CAMK4: variants seen among roughly 807,000 people sequenced by gnomAD.
CAMK4 encodes the protein calcium/calmodulin dependent protein kinase IV.
A neutral mutation model predicts 44.9 loss-of-function variants in CAMK4; 22 were observed. That is an observed-to-expected ratio of 0.49 (90% CI 0.35 to 0.70). The LOEUF (loss-of-function observed/expected upper bound fraction) is 0.70, where lower values mean the gene tolerates loss of function less well. Among genes scored for constraint, CAMK4 ranks in the 30% least tolerant of loss-of-function variants. CAMK4 has a pLI of 0.01. For missense variants in CAMK4, 498 were observed against 586.8 expected, an observed-to-expected ratio of 0.85 and a Z score of 1.56; for synonymous variants, 218 against 215.4, an observed-to-expected ratio of 1.01 and a Z score of -0.11.
chr5:111,340,851 T>C (rs1279651560), intron 1 of CAMK4, among the ~76,000 whole-genome samples: 4 of 151,034 alleles, frequency 2.6e-5, no homozygotes, highest in African/African-American at 9.7e-5. Context: ...CTTTTCTTTT[T>C]GTTTTTTGAT....
chr5:111,376,928 A>G lies in CAMK4; in HGVS notation c.372A>G (p.Gly124=). 6.2e-7 allele frequency: 1 copy of G among 1,602,176 alleles called. No individual in the cohort carries two copies. The highest frequency in any genetic ancestry group is 2.3e-5 in the East Asian group (1 of 44,326). Residue 124 remains glycine, a synonymous_variant, in exon 4 of 11, where the codon GGA becomes GGG. Transcript: ENST00000282356. ...ISLVLELVTG[G]ELFDRIVEKG... ...TGGTCCTAGAACTCGTCACAGGAGG[A>G]GAACTGTTTGATAGGTGAGTTGGTT...
rs148534521 is a variant in CAMK4, at chr5:111,240,165, C to T, written c.161+15521C>T. 3.9e-3 allele frequency among the ~76,000 whole-genome samples: 588 copies of T among 151,890 alleles called. 4 individuals are homozygous for T. The highest frequency in any genetic ancestry group is 0.013 in the African/African-American group (548 of 41,470). Reference sequence around the variant, plus strand: ...TTTTGTTGCTTTGAGGTCTTATTTACACTAACTTTACCTCTTCTTCATAGA... The same window carrying T: ...TTTTGTTGCTTTGAGGTCTTATTTATACTAACTTTACCTCTTCTTCATAGA... On this transcript the variant is annotated intron_variant, in intron 1 of 10. Coordinates refer to ENST00000282356, the MANE Select transcript of CAMK4 (RefSeq NM_001744.6).
rs1022326841 is a variant in CAMK4 at position 111,488,130 on chromosome 5, A to T, written c.*3664A>T. On this transcript the variant is annotated 3_prime_UTR_variant, in exon 11 of 11. Coordinates refer to ENST00000282356, the MANE Select transcript of CAMK4 (RefSeq NM_001744.6). ...TGTCTTCATTCAGGAAGAACTGCAC[A>T]TAGAATCTGATTTTGAGGCCTGGAT... 6.6e-6 allele frequency: 1 copy of T among 152,192 alleles called. No homozygotes were observed. Among genetic ancestry groups the T allele is most frequent in the Admixed American group, 6.5e-5 (1 of 15,282 alleles). 9.4% of individuals were successfully genotyped at this position (152,192 alleles called of 1,614,324 possible).
At chr5:111,472,851 G>C (rs1755111578) in intron 7 of CAMK4, among the ~76,000 whole-genome samples, 1 of 152,122 alleles carries the variant, frequency 6.6e-6, no homozygotes, top group African/African-American at 2.4e-5. Context: ...ACCTACACTG[G>C]TTCCCACCCT....
intron 1 of CAMK4, among the ~76,000 whole-genome samples, chr5:111,231,916 A>C (rs1167260765): frequency 4.6e-5 from 7 of 152,222 alleles, no homozygotes; most frequent in Admixed American, 2.6e-4. Context: ...TCTTCCTTAA[A>C]AAAGAGATGA....
At position 111,439,668 on chromosome 5, in the gene CAMK4, A is replaced by C. The variant is rs573623885; in HGVS notation, c.460-7018A>C. 5.3e-5 allele frequency among the ~76,000 whole-genome samples: 8 copies of C among 152,302 alleles called. No individual in the cohort carries two copies. In the South Asian group the frequency reaches 1.7e-3, roughly 32 times the overall value. ...TGAATGGAGTCCAGAGCTACAGGGA[A>C]GTATAGGCAGGCAATAGAGATTTGG... On this transcript the variant is annotated intron_variant, in intron 5 of 10. Coordinates refer to ENST00000282356, the MANE Select transcript of CAMK4 (RefSeq NM_001744.6).
rs538150133 is a variant in CAMK4 at position 111,287,987 on chromosome 5, A to T, written c.162-56037A>T. ...GTAATCAGCTTCCTTGCTTTGCTTT[A>T]TACTTTTACCACAAAGTGTGCCGTT... is the stretch of plus-strand genomic sequence containing the variant. On this transcript the variant is annotated intron_variant, in intron 1 of 10. Coordinates refer to ENST00000282356, the MANE Select transcript of CAMK4 (RefSeq NM_001744.6). Among the ~76,000 whole-genome samples, 6 of 152,180 alleles carry T rather than the reference A, an allele frequency of 3.9e-5. No homozygotes were observed. In the South Asian group the frequency reaches 1.2e-3, roughly 31 times the overall value.
chr5:111,310,464 A>G (rs1292437018), intron 1 of CAMK4, among the ~76,000 whole-genome samples: 1 of 152,200 alleles, frequency 6.6e-6, no homozygotes, highest in Non-Finnish European at 1.5e-5. Context: ...AAGTCATGCT[A>G]AGAAATCTGA....
At chr5:111,394,156 AATTTGAAACACTGCAT>A (rs1751911239) in intron 4 of CAMK4, among the ~76,000 whole-genome samples, 1 of 152,182 alleles carries the variant, frequency 6.6e-6, no homozygotes, top group Admixed American at 6.5e-5. Flanking sequence ...GACAATTAGA[AATTTGAAACACTGCAT>A]ATTTGATAAT....
chr5:111,330,111 C>A lies in CAMK4; in HGVS notation c.162-13913C>A, dbSNP rs373834192. On this transcript the variant is annotated intron_variant, in intron 1 of 10. Coordinates refer to ENST00000282356, the MANE Select transcript of CAMK4 (RefSeq NM_001744.6). ...CCCACCACCCCTACAAAAAAACAAACAAATAAAAAACTCTAGAAGACTAGT... is the reference window on the plus strand; with the variant it reads ...CCCACCACCCCTACAAAAAAACAAAAAAATAAAAAACTCTAGAAGACTAGT... Among the ~76,000 whole-genome samples the A allele has an allele frequency of 6.4e-4, 88 of 137,346 alleles. No homozygotes were observed. The Middle Eastern group carries it at 0.013, about 20-fold the overall frequency. The allele number at this position is 137,346 out of a possible 152,430, so 90.1% of individuals were successfully genotyped here.
chr5:111,449,095 C>G, intron 6 of CAMK4, 34 bp from the exon 7 acceptor site: 1 of 877,096 alleles, frequency 1.1e-6, no homozygotes. Flanking sequence ...GCTGAGAAGA[C>G]GTGCTTCATT....
At chr5:111,261,879 T>C (rs928091776) in intron 1 of CAMK4, among the ~76,000 whole-genome samples, 1 of 152,162 alleles carries the variant, frequency 6.6e-6, no homozygotes, top group Non-Finnish European at 1.5e-5. Context: ...AAAAGTATTT[T>C]TTTTTCCTCT....
chr5:111,439,855 A>G (rs1753766433), intron 5 of CAMK4, among the ~76,000 whole-genome samples: 1 of 152,214 alleles, frequency 6.6e-6, no homozygotes, highest in South Asian at 2.1e-4. Flanking sequence ...TGCCAGGAAC[A>G]CTGGCCTATG....
chr5:111,396,326 A>T (rs1405608453), intron 5 of CAMK4, among the ~76,000 whole-genome samples: 2 of 152,174 alleles, frequency 1.3e-5, no homozygotes, highest in Non-Finnish European at 2.9e-5. Flanking sequence ...AGAGGATGCC[A>T]ACACAGCTTC....
intron 4 of CAMK4, 129 bp from the exon 5 acceptor site, chr5:111,394,581 A>T (rs1278500936): frequency 1.7e-6 from 1 of 587,376 alleles, no homozygotes; most frequent in Non-Finnish European, 3.0e-6. Flanking sequence ...AATCTTTCCC[A>T]TGGTAGTATG....
At position 111,491,579 on chromosome 5, in the gene CAMK4, A is replaced by C. The variant is rs1247875449; in HGVS notation, c.*7113A>C. 6.6e-6 allele frequency: 1 copy of C among 152,216 alleles called. No homozygotes were observed. The highest frequency in any genetic ancestry group is 1.5e-5 in the Non-Finnish European group (1 of 68,046). 9.4% of individuals were successfully genotyped at this position (152,216 alleles called of 1,614,324 possible). A position where few individuals can be genotyped will look rare whatever the true frequency, so the allele number is the denominator to read the frequency against. ...CTTAGTGAAATTTTCCTACAGAACT[A>C]AAAACGCAAAATTGCATCACTCCTG... is the stretch of plus-strand genomic sequence containing the variant. On this transcript the variant is annotated 3_prime_UTR_variant, in exon 11 of 11. Coordinates refer to ENST00000282356, the MANE Select transcript of CAMK4 (RefSeq NM_001744.6).
chr5:111,262,180 C>CAAA (rs200729378), intron 1 of CAMK4, among the ~76,000 whole-genome samples: 3 of 78,080 alleles, frequency 3.8e-5, no homozygotes, highest in African/African-American at 1.3e-4. Context: ...GCTAAACGGG[C>CAAA]AAAAAAAAAA....
At chr5:111,308,700 A>G (rs1003454216) in intron 1 of CAMK4, among the ~76,000 whole-genome samples, 2 of 152,346 alleles carry the variant, frequency 1.3e-5, no homozygotes, top group South Asian at 2.1e-4. Flanking sequence ...AAATTCTCCT[A>G]GAATCATTTA....
At chr5:111,436,751 A>T (rs1349021951) in intron 5 of CAMK4, among the ~76,000 whole-genome samples, 1 of 152,216 alleles carries the variant, frequency 6.6e-6, no homozygotes, top group Admixed American at 6.5e-5. Flanking sequence ...TTAAGTCAAC[A>T]CATCAGTTTC....
Sources: gnomAD v4.1 joint callset for allele counts (sites outside exome capture counted in the v4.1 genomes callset) on GRCh38, gnomAD v4.1.1 for gene constraint, MANE v1.5 for transcripts, NCBI Gene and HGNC (gene_info 2026-07-23, HGNC 2026-07-21) for gene names.